The following DOP1B variants were observed in gnomAD, a reference collection of about 807,000 sequenced individuals.
The protein encoded by DOP1B is protein DOP1B.
In DOP1B, 174 loss-of-function variants were observed where a neutral mutation model predicts 233.5. The observed-to-expected ratio is 0.75, with a 90% confidence interval of 0.66 to 0.85. The LOEUF is 0.85. Ranked by LOEUF, DOP1B falls within the 40% of genes least tolerant of loss-of-function variation. The pLI, the probability that DOP1B is intolerant of heterozygous loss-of-function variation, is 0.00. For synonymous variants in DOP1B, 1,190 were observed against 1,185.6 expected, an observed-to-expected ratio of 1.00 and a Z score of -0.08; for missense variants, 2,652 against 2,846.6, an observed-to-expected ratio of 0.93 and a Z score of 1.56.
intron 17 of DOP1B, 34 bp downstream of exon 17, chr21:36,238,735 T>C: frequency 6.2e-7 from 1 of 1,606,074 alleles, no homozygotes; most frequent in Non-Finnish European, 8.5e-7. Flanking sequence ...TACCGTTAAC[T>C]CACGAGGAAA....
chr21:36,246,592 G>A lies in DOP1B; in HGVS notation c.4612G>A (p.Val1538Met). Residue 1538 changes from valine (V) to methionine (M), a missense_variant, in exon 19 of 37, where the codon GTG becomes ATG. By Grantham distance (21) the Val-to-Met change is conservative (BLOSUM62 1). Around this residue, in one of 3 missense-constraint regions of DOP1B, gnomAD observed 2,617 missense variants for 2,794.3 expected, o/e 0.94. Transcript: ENST00000691173. The surrounding 1 kb of genome is among the most constrained non-coding windows in gnomAD (Gnocchi z 5.1). ...PYFGKSLGWT[V>M]TPFVVQICKN... The stretch of plus-strand genomic sequence containing the variant: ...CTTCGGAAAGTCCCTGGGCTGGACG[G>A]TGACACCCTTTGTTGTCCAGATTTG... 1 of 1,614,118 alleles carries A rather than the reference G, an allele frequency of 6.2e-7. No individual in the cohort carries two copies. The highest frequency in any genetic ancestry group is 8.5e-7 in the Non-Finnish European group (1 of 1,180,046).
At position 36,245,710 on chromosome 21, in the gene DOP1B, T is replaced by G; in HGVS notation, c.3730T>G (p.Phe1244Val). 6.2e-7 allele frequency: 1 copy of G among 1,613,672 alleles called. No individual in the cohort carries two copies. Among genetic ancestry groups the G allele is most frequent in the Non-Finnish European group, 8.5e-7 (1 of 1,179,960 alleles). ...PYDSRRVLYAFSVLEAVLKTN... is the reference protein window; with the variant it reads ...PYDSRRVLYAVSVLEAVLKTN... ...CGACTCTCGGCGGGTCCTCTATGCCTTCTCGGTGCTGGAGGCTGTGCTCAA... is the reference window on the plus strand; with the variant it reads ...CGACTCTCGGCGGGTCCTCTATGCCGTCTCGGTGCTGGAGGCTGTGCTCAA... The change falls in exon 19 of 37, where the codon TTC (phenylalanine) becomes GTC (valine). Residue 1244 changes from phenylalanine (F) to valine (V), a missense_variant. Coordinates refer to ENST00000691173, the MANE Select transcript of DOP1B (RefSeq NM_001320714.2). The surrounding 1 kb of genome is among the most constrained non-coding windows in gnomAD (Gnocchi z 5.5).
chr21:36,227,684 A>G lies in DOP1B; in HGVS notation c.1474-2A>G. 6.6e-7 allele frequency: 1 copy of G among 1,524,152 alleles called. No homozygotes were observed. 94.4% of individuals were successfully genotyped at this position (1,524,152 alleles called of 1,614,324 possible). Reference sequence around the variant, plus strand: ...GGGTTAACCTACACGTTTATTTCACAGGAACTTTACTCTGAGGTGCAAACC... The same window carrying G: ...GGGTTAACCTACACGTTTATTTCACGGGAACTTTACTCTGAGGTGCAAACC... On this transcript the variant is annotated splice_acceptor_variant, in intron 12 of 36. Coordinates refer to ENST00000691173, the MANE Select transcript of DOP1B (RefSeq NM_001320714.2). LOFTEE classifies it high-confidence loss of function.
At chr21:36,240,063 G>A in intron 18 of DOP1B, 108 bp downstream of exon 18, 1 of 1,268,506 alleles carries the variant, frequency 7.9e-7, no homozygotes, top group Non-Finnish European at 1.1e-6. Context: ...TTTGTTAGAT[G>A]CAAATGGTAC....
intron 4 of DOP1B, among the ~76,000 whole-genome samples, chr21:36,205,964 C>T (rs936367412): frequency 4.0e-5 from 6 of 151,818 alleles, no homozygotes; most frequent in East Asian, 1.9e-4. Flanking sequence ...GAGCCAAGAT[C>T]GTGCCATTGC....
intron 2 of DOP1B, among the ~76,000 whole-genome samples, chr21:36,167,229 G>C (rs2065920375): frequency 6.6e-6 from 1 of 152,126 alleles, no homozygotes; most frequent in Non-Finnish European, 1.5e-5. Flanking sequence ...CTGGAGTGCA[G>C]TGACACGATC....
chr21:36,208,760 G>A lies in DOP1B; in HGVS notation c.537G>A (p.Glu179=), dbSNP rs777557207. The A allele has an allele frequency of 1.9e-6, 3 of 1,613,556 alleles. No individual in the cohort carries two copies. The highest frequency in any genetic ancestry group is 1.7e-5 in the Admixed American group (1 of 59,952). ...LLRLSLVVGK[E]VFYTALWGSV... The stretch of plus-strand genomic sequence containing the variant: ...GACTGTCGCTGGTGGTTGGCAAAGA[G>A]GTGTTTTACACCGCCCTCTGGGGGA... Residue 179 remains glutamate, a synonymous_variant, in exon 5 of 37, where the codon GAG becomes GAA. Transcript: ENST00000691173.
At chr21:36,241,732 G>T (rs2066894535) in intron 18 of DOP1B, among the ~76,000 whole-genome samples, 2 of 141,694 alleles carry the variant, frequency 1.4e-5, no homozygotes, top group Non-Finnish European at 3.0e-5. Context: ...GTAGAGACAG[G>T]GTTTCACCAT....
chr21:36,252,926 C>T (rs1430799311), intron 22 of DOP1B, among the ~76,000 whole-genome samples: 2 of 152,214 alleles, frequency 1.3e-5, no homozygotes, highest in Admixed American at 1.3e-4. Flanking sequence ...ACCCCTGCTC[C>T]ATCCCCTGCT....
At chr21:36,239,667 T>G (rs1440034809) in intron 17 of DOP1B, 98 bp from the exon 18 acceptor site, 46 of 1,346,100 alleles carry the variant, frequency 3.4e-5, no homozygotes, top group Non-Finnish European at 4.4e-5. Context: ...GGTCCTAGGG[T>G]ACCTGTGTTG....
intron 21 of DOP1B, 138 bp downstream of exon 21, chr21:36,248,706 C>G (rs1123692): frequency 0.043 from 36,969 of 860,742 alleles, 1,173 homozygotes; most frequent in African/African-American, 0.14. Context: ...GTAGAAATCT[C>G]TAGTTCATTT....
chr21:36,255,153 G>A (rs1456030162), intron 23 of DOP1B, among the ~76,000 whole-genome samples: 1 of 151,624 alleles, frequency 6.6e-6, no homozygotes, highest in Admixed American at 6.6e-5. Flanking sequence ...GTTTTTTCGA[G>A]ATGAAGTCTC....
chr21:36,253,112 C>T (rs1004235458), intron 22 of DOP1B, among the ~76,000 whole-genome samples: 1 of 152,206 alleles, frequency 6.6e-6, no homozygotes, highest in Non-Finnish European at 1.5e-5. Flanking sequence ...CTTCCAAATG[C>T]CCATGACCAG....
chr21:36,187,110 G>A (rs1051641063), intron 2 of DOP1B, among the ~76,000 whole-genome samples: 3 of 151,284 alleles, frequency 2.0e-5, no homozygotes, highest in African/African-American at 4.8e-5. Context: ...CCCAGCAGAC[G>A]GTGAGTGGGT....
chr21:36,289,592 C>T (rs914846585), intron 35 of DOP1B, among the ~76,000 whole-genome samples: 3 of 152,106 alleles, frequency 2.0e-5, no homozygotes, highest in Non-Finnish European at 2.9e-5. Flanking sequence ...TTGGAGCCTG[C>T]CATCTCCGAT....
intron 23 of DOP1B, among the ~76,000 whole-genome samples, chr21:36,256,249 T>A (rs2067096079): frequency 6.6e-6 from 1 of 152,082 alleles, no homozygotes; most frequent in Non-Finnish European, 1.5e-5. Flanking sequence ...GAGACCAGCC[T>A]GGGCAATGTA....
chr21:36,194,261 A>G (rs2066263609), intron 2 of DOP1B, among the ~76,000 whole-genome samples: 1 of 152,170 alleles, frequency 6.6e-6, no homozygotes, highest in Non-Finnish European at 1.5e-5. Context: ...GTCTGGCCAA[A>G]TCTAGACCTG....
chr21:36,187,178 T>G (rs180859768), intron 2 of DOP1B, among the ~76,000 whole-genome samples: 130 of 151,166 alleles, frequency 8.6e-4, no homozygotes, highest in Middle Eastern at 3.4e-3. Flanking sequence ...CTGGGTTAGC[T>G]GGCTGTCCTG....
chr21:36,185,969 A>G (rs2045791013), intron 2 of DOP1B, among the ~76,000 whole-genome samples: 3 of 152,224 alleles, frequency 2.0e-5, no homozygotes, highest in African/African-American at 7.2e-5. Context: ...TTGGGTGGCC[A>G]AGGCAGGTGG....
Sources: allele counts gnomAD v4.1 joint callset (sites outside exome capture counted in the v4.1 genomes callset), GRCh38; gene constraint gnomAD v4.1.1; regional missense constraint gnomAD v4.1.1; non-coding constraint Gnocchi (gnomAD v3.1); transcripts MANE v1.5; gene names NCBI Gene and HGNC (gene_info 2026-07-23, HGNC 2026-07-21).